The following CD34 variants were observed in gnomAD, a reference collection of about 807,000 sequenced individuals.
CD34 encodes CD34 molecule.
A neutral mutation model predicts 40.1 loss-of-function variants in CD34; 34 were observed. The ratio of observed to expected loss-of-function variants is 0.85; its 90% CI spans 0.65 to 1.13. The LOEUF (loss-of-function observed/expected upper bound fraction) is 1.13, where lower values mean the gene tolerates loss of function less well. CD34 is among the 50% of genes most tolerant of loss of function. CD34 has a pLI of 0.00. For synonymous variants in CD34, 209 were observed against 190.0 expected (o/e 1.10, Z -0.82); for missense variants, 426 against 466.9 (o/e 0.91, Z 0.81).
intron 1 of CD34, among the ~76,000 whole-genome samples, chr1:207,901,872 AC>A (rs1662278141): frequency 6.6e-6 from 1 of 152,224 alleles, no homozygotes; most frequent in South Asian, 2.1e-4. Flanking sequence ...GTCCCAGGCC[AC>A]CCTAAAGCTT....
chr1:207,898,622 T>C (rs1662201822), intron 3 of CD34, among the ~76,000 whole-genome samples: 2 of 152,158 alleles, frequency 1.3e-5, no homozygotes, highest in Admixed American at 1.3e-4. Flanking sequence ...CCCCAGCAAA[T>C]AAGCAATAGT....
intron 1 of CD34, among the ~76,000 whole-genome samples, chr1:207,902,875 A>G (rs1662302218): frequency 6.6e-6 from 1 of 152,204 alleles, no homozygotes; most frequent in Non-Finnish European, 1.5e-5. Context: ...CCAGGCTCGC[A>G]GCTGCAGCAG....
intron 1 of CD34, among the ~76,000 whole-genome samples, chr1:207,902,027 C>A (rs1040254371): frequency 6.6e-6 from 1 of 152,156 alleles, no homozygotes; most frequent in Non-Finnish European, 1.5e-5. Flanking sequence ...AACCTGGGGC[C>A]AAGAACGGTT....
At chr1:207,892,615 G>A (rs1662061975) in intron 4 of CD34, among the ~76,000 whole-genome samples, 2 of 151,666 alleles carry the variant, frequency 1.3e-5, no homozygotes. Flanking sequence ...ATGTGGTGTT[G>A]AGAATCTAGT....
chr1:207,897,717 C>T (rs1662177782), intron 3 of CD34, 144 bp from the exon 4 acceptor site: 1 of 666,372 alleles, frequency 1.5e-6, no homozygotes, highest in Non-Finnish European at 2.7e-6. Flanking sequence ...TAAAATTTGT[C>T]AGGGGACTAG....
intron 4 of CD34, chr1:207,890,395 C>T: frequency 4.6e-6 from 1 of 219,006 alleles, no homozygotes; most frequent in Non-Finnish European, 7.7e-6. Context: ...GTCCGGATGG[C>T]AGATGGCAGA....
rs1232597441 is a variant in CD34, at chr1:207,889,878, A to AAT, written c.598-259_598-258dup. On this transcript the variant is annotated intron_variant, in intron 4 of 7. Transcript: ENST00000310833. ...AGATGTTAGAGAACAAACTTAAAAA[A>AAT]ATTGTCTCGTTGAAGCATTGCCCAT... The AAT allele has an allele frequency of 7.7e-6, 12 of 1,550,240 alleles. No individual in the cohort carries two copies. The Admixed American group carries it at 9.6e-5, about 12-fold the overall frequency.
At position 207,885,836 on chromosome 1, in the gene CD34, G is replaced by A. The variant is rs564300458; in HGVS notation, c.*1902C>T. The stretch of plus-strand genomic sequence containing the variant: ...GGTCTGGCTTTATGGAGATAAGAAT[G>A]GAAGAATCAACCTTTGTTTGGCCCC... On this transcript the variant is annotated 3_prime_UTR_variant, in exon 8 of 8. Transcript: ENST00000310833. The A allele has an allele frequency of 6.6e-6, 1 of 152,360 alleles. No individual in the cohort carries two copies. The highest frequency in any genetic ancestry group is 6.5e-5 in the Admixed American group (1 of 15,292). 9.4% of individuals were successfully genotyped at this position (152,360 alleles called of 1,614,324 possible). A position where few individuals can be genotyped will look rare whatever the true frequency, so the allele number is the denominator to read the frequency against.
rs545927149 is a variant in CD34 at position 207,899,685 on chromosome 1, A to G, written c.262+136T>C. ...GAACTTACTTCAGGGCACCCTAAGC[A>G]TGATACTCAAGTCATTAATACTAGG... On this transcript the variant is annotated intron_variant, in intron 2 of 7. Transcript: ENST00000310833. 202 of 765,414 alleles carry G rather than the reference A, an allele frequency of 2.6e-4. 3 individuals are homozygous for G. In the South Asian group the frequency reaches 3.6e-3, roughly 14 times the overall value. 47.4% of individuals were successfully genotyped at this position (765,414 alleles called of 1,614,324 possible). A position where few individuals can be genotyped will look rare whatever the true frequency, so the allele number is the denominator to read the frequency against.
At chr1:207,898,114 T>A (rs579475) in intron 3 of CD34, among the ~76,000 whole-genome samples, 1 of 151,534 alleles carries the variant, frequency 6.6e-6, no homozygotes, top group Non-Finnish European at 1.5e-5. Context: ...GGCATGATCT[T>A]GGCTCACTGC....
At chr1:207,900,124 G>A (rs1021304384) in intron 1 of CD34, 121 bp from the exon 2 acceptor site, 10 of 730,932 alleles carry the variant, frequency 1.4e-5, no homozygotes. Flanking sequence ...CCCCTTGTTG[G>A]CAGCAACAAG....
At chr1:207,905,165 T>C (rs1253882952) in intron 1 of CD34, among the ~76,000 whole-genome samples, 2 of 152,222 alleles carry the variant, frequency 1.3e-5, no homozygotes, top group African/African-American at 2.4e-5. Flanking sequence ...TGAGACAGTC[T>C]CACTCTGTTG....
intron 1 of CD34, among the ~76,000 whole-genome samples, chr1:207,905,630 T>G (rs575278711): frequency 1.3e-5 from 2 of 152,320 alleles, no homozygotes; most frequent in African/African-American, 4.8e-5. Flanking sequence ...TTATTTACAC[T>G]GGTTGAGCAC....
intron 3 of CD34, among the ~76,000 whole-genome samples, chr1:207,897,974 T>C (rs112741456): frequency 6.6e-6 from 1 of 152,192 alleles, no homozygotes; most frequent in Non-Finnish European, 1.5e-5. Context: ...CAGCAGATGC[T>C]GGGGTACCTG....
chr1:207,887,595 C>G lies in CD34; in HGVS notation c.*143G>C. The stretch of plus-strand genomic sequence containing the variant: ...ACCTGCCCCTCCTCAAGGTGTAGGG[C>G]CCCAAGAACAGCCTCTGAGGTGTGT... On this transcript the variant is annotated 3_prime_UTR_variant, in exon 8 of 8. Transcript: ENST00000310833. 2 of 1,183,110 alleles carry G rather than the reference C, an allele frequency of 1.7e-6. No individual in the cohort carries two copies. The highest frequency in any genetic ancestry group is 3.0e-5 in the South Asian group (2 of 66,134). 73.3% of individuals were successfully genotyped at this position (1,183,110 alleles called of 1,614,324 possible).
chr1:207,911,059 G>C lies in CD34; in HGVS notation c.22C>G (p.Arg8Gly), dbSNP rs1662505760. ...CCCCGCGGCATCCTGGGCCCTGCGC[G>C]CGCGCCCCTGCGGACCAGCATCCTT... MLVRRGARAGPRMPRGWT... is the reference protein window; with the variant it reads MLVRRGAGAGPRMPRGWT... Residue 8 changes from arginine to glycine, a missense_variant, in exon 1 of 8, where the codon CGC becomes GGC. Arg to Gly is a moderately radical substitution (Grantham distance 125). Coordinates refer to ENST00000310833, the MANE Select transcript of CD34 (RefSeq NM_001025109.2). 1 of 1,587,974 alleles carries C rather than the reference G, an allele frequency of 6.3e-7. No individual in the cohort carries two copies. The highest frequency in any genetic ancestry group is 1.7e-5 in the Admixed American group (1 of 57,624).
intron 2 of CD34, among the ~76,000 whole-genome samples, chr1:207,899,475 A>G (rs1310703566): frequency 6.6e-6 from 1 of 152,162 alleles, no homozygotes; most frequent in Non-Finnish European, 1.5e-5. Context: ...AAAGACCCCC[A>G]GTTTGGACCT....
chr1:207,889,126 A>T, intron 6 of CD34, 35 bp downstream of exon 6: 6 of 1,261,218 alleles, frequency 4.8e-6, no homozygotes, highest in Non-Finnish European at 7.0e-6. Context: ...CTGCCCCGGC[A>T]TTCCCTCTCA....
rs148688256 is a variant in CD34 at position 207,899,091 on chromosome 1, G to A, written c.398C>T (p.Thr133Ile). The A allele has an allele frequency of 1.9e-3, 3,093 of 1,614,222 alleles. 4 individuals are homozygous for A. The highest frequency in any genetic ancestry group is 2.0e-3 in the Non-Finnish European group (2,352 of 1,180,024). ...TCCAGGTGACAGGCTAGGCTTCAAGGTTGTCTCTGGAGTTGAAACGTTGGC... is the reference window on the plus strand; with the variant it reads ...TCCAGGTGACAGGCTAGGCTTCAAGATTGTCTCTGGAGTTGAAACGTTGGC... ...TPANVSTPET[T>I]LKPSLSPGNV... Residue 133 changes from threonine (T) to isoleucine (I), a missense_variant, in exon 3 of 8, where the codon ACC (threonine) becomes ATC (isoleucine). By Grantham distance (89) the Thr-to-Ile change is moderately conservative (BLOSUM62 -1). Coordinates refer to ENST00000310833, the MANE Select transcript of CD34 (RefSeq NM_001025109.2).
Sources: gnomAD v4.1 joint callset for allele counts (sites outside exome capture counted in the v4.1 genomes callset) on GRCh38, gnomAD v4.1.1 for gene constraint, MANE v1.5 for transcripts, NCBI Gene and HGNC (gene_info 2026-07-23, HGNC 2026-07-21) for gene names.